LRBA: variants seen among roughly 807,000 people sequenced by gnomAD.
LRBA encodes lipopolysaccharide-responsive and beige-like anchor protein.
LRBA carries 176 observed loss-of-function variants against 330.0 expected under a neutral mutation model. The ratio of observed to expected loss-of-function variants is 0.53; its 90% CI spans 0.47 to 0.60. The LOEUF (loss-of-function observed/expected upper bound fraction) is 0.60. LRBA is among the 20% of genes least tolerant of loss of function. The probability of loss-of-function intolerance (pLI) is 0.00; values close to 1 mark genes in which losing one functional copy is unlikely to be tolerated. For synonymous variants in LRBA, 1,230 were observed against 1,193.0 expected (o/e 1.03, Z -0.64); for missense variants, 3,259 against 3,444.8 (o/e 0.95, Z 1.35).
intron 48 of LRBA, among the ~76,000 whole-genome samples, chr4:150,336,303 A>G (rs1317978753): frequency 6.6e-6 from 1 of 152,214 alleles, no homozygotes; most frequent in Non-Finnish European, 1.5e-5. Context: ...AATTTTGTTA[A>G]TATTGAGTTT....
Position 150,908,394 on chromosome 4 carries a change from G to A in LRBA, c.1433C>T (p.Pro478Leu), listed in dbSNP as rs896257229. ...HSIGGVQVLF[P>L]LFAQLDYRQY... ...CCTGTAATCCAACTGTGCAAAAAGT[G>A]GAAATAGTACTTGTACTCCTCCAAT... The change falls in exon 11 of 57, where the codon CCA becomes CTA. Residue 478 changes from proline (P) to leucine (L), a missense_variant. Coordinates refer to ENST00000651943, the MANE Select transcript of LRBA (RefSeq NM_001364905.1). 10 of 1,610,604 alleles carry A rather than the reference G, an allele frequency of 6.2e-6. No homozygotes were observed. Among genetic ancestry groups the A allele is most frequent in the Non-Finnish European group, 8.5e-6 (10 of 1,179,140 alleles).
intron 50 of LRBA, 64 bp from the exon 51 acceptor site, chr4:150,315,687 G>A: frequency 2.1e-6 from 2 of 965,640 alleles, no homozygotes; most frequent in South Asian, 1.7e-5. Flanking sequence ...ACATAAAAAT[G>A]CATAAGTCAA....
intron 46 of LRBA, among the ~76,000 whole-genome samples, chr4:150,434,999 A>G (rs533626394): frequency 5.3e-5 from 8 of 152,224 alleles, no homozygotes; most frequent in African/African-American, 1.7e-4. Context: ...ACAACAAAAG[A>G]CAGAGAGAGA....
chr4:150,900,288 C>A, intron 13 of LRBA, 71 bp from the exon 14 acceptor site: 2 of 1,169,412 alleles, frequency 1.7e-6, no homozygotes, highest in South Asian at 3.1e-5. Context: ...CACTTCCAGG[C>A]TGTTTTATTT....
intron 37 of LRBA, among the ~76,000 whole-genome samples, chr4:150,649,396 A>T (rs1581921350): frequency 6.6e-6 from 1 of 152,166 alleles, no homozygotes; most frequent in Admixed American, 6.6e-5. Context: ...AGAACTGCTG[A>T]GTGTTCTCTG....
chr4:150,587,559 G>T (rs1772268360), intron 40 of LRBA, among the ~76,000 whole-genome samples: 1 of 152,172 alleles, frequency 6.6e-6, no homozygotes, highest in South Asian at 2.1e-4. Context: ...GCAGTGCCTT[G>T]TAAAATCTAC....
intron 36 of LRBA, among the ~76,000 whole-genome samples, chr4:150,693,503 G>C (rs992578002): frequency 1.4e-5 from 2 of 141,724 alleles, no homozygotes; most frequent in Non-Finnish European, 1.5e-5. Context: ...GGCGGAGCTT[G>C]CAGTGAGCCG....
At chr4:150,441,023 C>G (rs573259267) in intron 44 of LRBA, among the ~76,000 whole-genome samples, 26 of 152,036 alleles carry the variant, frequency 1.7e-4, no homozygotes, top group Non-Finnish European at 3.7e-4. Context: ...ATTAAAAAAA[C>G]ATTTTTTGTT....
intron 37 of LRBA, among the ~76,000 whole-genome samples, chr4:150,660,719 C>T (rs1780977506): frequency 1.5e-5 from 2 of 133,954 alleles, no homozygotes; most frequent in African/African-American, 2.7e-5. Context: ...TTTTGTTCTG[C>T]ACTAAGAAAA....
chr4:150,406,236 T>C (rs916023875), intron 47 of LRBA, among the ~76,000 whole-genome samples: 2 of 152,044 alleles, frequency 1.3e-5, no homozygotes, highest in African/African-American at 4.8e-5. Context: ...ATTAATAAAA[T>C]GGTAGACATG....
chr4:150,604,817 C>A (rs894945158), intron 37 of LRBA, among the ~76,000 whole-genome samples: 2 of 152,114 alleles, frequency 1.3e-5, no homozygotes, highest in Non-Finnish European at 2.9e-5. Flanking sequence ...AGTTCCCCTG[C>A]CCCACAATTC....
intron 44 of LRBA, among the ~76,000 whole-genome samples, chr4:150,458,464 T>C (rs1249615530): frequency 6.6e-6 from 1 of 151,854 alleles, no homozygotes; most frequent in Non-Finnish European, 1.5e-5. Flanking sequence ...CAGGGTTATA[T>C]AAATTAAATA....
chr4:150,378,484 T>C (rs1309345248), intron 47 of LRBA, among the ~76,000 whole-genome samples: 1 of 152,236 alleles, frequency 6.6e-6, no homozygotes, highest in East Asian at 1.9e-4. Context: ...ATGTTAATTG[T>C]GTAAGGATGT....
At chr4:150,923,183 T>C (rs1274618824) in intron 4 of LRBA, among the ~76,000 whole-genome samples, 2 of 44,372 alleles carry the variant, frequency 4.5e-5, no homozygotes, top group Non-Finnish European at 1.7e-4. Context: ...CATCGTAAAG[T>C]CAAAAAAAAA....
At chr4:150,734,013 A>G (rs1219297633) in intron 36 of LRBA, among the ~76,000 whole-genome samples, 1 of 152,188 alleles carries the variant, frequency 6.6e-6, no homozygotes, top group Non-Finnish European at 1.5e-5. Flanking sequence ...AAGAACATCA[A>G]AAAATATGTT....
chr4:150,899,697 T>C (rs1449273618), intron 14 of LRBA, among the ~76,000 whole-genome samples: 1 of 152,130 alleles, frequency 6.6e-6, no homozygotes, highest in Non-Finnish European at 1.5e-5. Flanking sequence ...CAAAACACCA[T>C]TTTCAAGGAA....
chr4:150,939,728 C>A (rs1030398643), intron 2 of LRBA, among the ~76,000 whole-genome samples: 5 of 152,140 alleles, frequency 3.3e-5, no homozygotes, highest in African/African-American at 1.2e-4. Context: ...TTATCTTCAC[C>A]CAGACCTTCC....
intron 40 of LRBA, among the ~76,000 whole-genome samples, chr4:150,543,853 A>G (rs1455561029): frequency 1.3e-5 from 2 of 152,166 alleles, no homozygotes; most frequent in East Asian, 3.8e-4. Flanking sequence ...TACATACTAA[A>G]AGGGCAACTA....
intron 40 of LRBA, among the ~76,000 whole-genome samples, chr4:150,498,754 A>T (rs1055346874): frequency 2.0e-5 from 3 of 152,180 alleles, no homozygotes; most frequent in Non-Finnish European, 4.4e-5. Flanking sequence ...AACGAGGCAT[A>T]AAAGGGTCTC....
Sources: allele counts gnomAD v4.1 joint callset (sites outside exome capture counted in the v4.1 genomes callset), GRCh38; gene constraint gnomAD v4.1.1; transcripts MANE v1.5; gene names NCBI Gene and HGNC (gene_info 2026-07-23, HGNC 2026-07-21).